Variants in BMP6 observed in about 807,000 individuals in gnomAD.
BMP6 encodes the protein bone morphogenetic protein 6.
In BMP6, 17 loss-of-function variants were observed where a neutral mutation model predicts 54.1. The ratio of observed to expected loss-of-function variants is 0.31; its 90% CI spans 0.22 to 0.47. BMP6 has a LOEUF of 0.47. Ranked by LOEUF, BMP6 falls within the 20% of genes least tolerant of loss-of-function variation. The pLI, the probability that BMP6 is intolerant of heterozygous loss-of-function variation, is 1.00. For synonymous variants in BMP6, 328 were observed against 291.2 expected, an observed-to-expected ratio of 1.13 and a Z score of -1.28; for missense variants, 720 against 690.4, an observed-to-expected ratio of 1.04 and a Z score of -0.48.
chr6:7,856,120 T>TAAAAAAAAA (rs56264814), intron 2 of BMP6, among the ~76,000 whole-genome samples: 8 of 83,664 alleles, frequency 9.6e-5, no homozygotes, highest in South Asian at 5.3e-4. Context: ...TCAAAGACTG[T>TAAAAAAAAA]AAAAAAAAAA....
intron 1 of BMP6, among the ~76,000 whole-genome samples, chr6:7,734,367 C>T (rs1276248698): frequency 6.6e-6 from 1 of 152,162 alleles, no homozygotes; most frequent in African/African-American, 2.4e-5. Flanking sequence ...TTTCTCTTTA[C>T]TGCTGTTACC....
intron 1 of BMP6, among the ~76,000 whole-genome samples, chr6:7,823,469 G>A (rs985577451): frequency 3.3e-5 from 5 of 152,194 alleles, no homozygotes; most frequent in Admixed American, 2.0e-4. Flanking sequence ...TTGCACTCAT[G>A]AAACGTGCAT....
At chr6:7,807,631 C>G (rs1279797323) in intron 1 of BMP6, among the ~76,000 whole-genome samples, 1 of 152,130 alleles carries the variant, frequency 6.6e-6, no homozygotes, top group Non-Finnish European at 1.5e-5. Context: ...CCTACCAATT[C>G]AGAAACTCCA....
intron 1 of BMP6, among the ~76,000 whole-genome samples, chr6:7,779,802 G>T (rs1310570357): frequency 6.6e-6 from 1 of 152,166 alleles, no homozygotes; most frequent in Non-Finnish European, 1.5e-5. Flanking sequence ...AGTGAAGGGG[G>T]AGAGGGGTAC....
chr6:7,814,273 A>G (rs906045051), intron 1 of BMP6, among the ~76,000 whole-genome samples: 4 of 152,196 alleles, frequency 2.6e-5, no homozygotes, highest in African/African-American at 7.2e-5. Flanking sequence ...CAGAATCCCT[A>G]TTGCCACGTA....
chr6:7,809,737 A>G (rs992212519), intron 1 of BMP6, among the ~76,000 whole-genome samples: 1 of 152,250 alleles, frequency 6.6e-6, no homozygotes, highest in African/African-American at 2.4e-5. Context: ...TCGACAGCCC[A>G]ATGGCTGAAC....
intron 1 of BMP6, among the ~76,000 whole-genome samples, chr6:7,780,650 G>A (rs1035556251): frequency 6.6e-6 from 1 of 151,852 alleles, no homozygotes; most frequent in African/African-American, 2.4e-5. Flanking sequence ...TTCTAACTTA[G>A]TAAGGGATCA....
intron 1 of BMP6, among the ~76,000 whole-genome samples, chr6:7,793,454 A>G (rs1758141687): frequency 6.6e-6 from 1 of 152,214 alleles, no homozygotes; most frequent in African/African-American, 2.4e-5. Flanking sequence ...GATGCATGTC[A>G]TTATACGGTT....
chr6:7,864,584 C>T (rs914350424), intron 4 of BMP6, among the ~76,000 whole-genome samples: 9 of 152,108 alleles, frequency 5.9e-5, no homozygotes, highest in Non-Finnish European at 1.0e-4. Context: ...ATGCAACTTC[C>T]CAAAGTACCT....
chr6:7,728,475 T>C (rs1245578619), intron 1 of BMP6, among the ~76,000 whole-genome samples: 1 of 152,190 alleles, frequency 6.6e-6, no homozygotes. Context: ...AAATGTTCTG[T>C]GGCAAACCCG....
At chr6:7,737,354 G>A (rs1480662616) in intron 1 of BMP6, among the ~76,000 whole-genome samples, 3 of 152,192 alleles carry the variant, frequency 2.0e-5, no homozygotes, top group Non-Finnish European at 4.4e-5. Flanking sequence ...GGACTAAGGT[G>A]TATGAAGGGA....
At chr6:7,843,251 T>C (rs1759005188) in intron 1 of BMP6, among the ~76,000 whole-genome samples, 1 of 151,120 alleles carries the variant, frequency 6.6e-6, no homozygotes, top group South Asian at 2.1e-4. Flanking sequence ...AAGCTTATTC[T>C]TTTTTAACCC....
chr6:7,851,557 T>G (rs1021222511), intron 2 of BMP6, among the ~76,000 whole-genome samples: 7 of 152,184 alleles, frequency 4.6e-5, no homozygotes, highest in African/African-American at 1.4e-4. Flanking sequence ...TTTTCAATTC[T>G]ATTTTTTATT....
intron 1 of BMP6, among the ~76,000 whole-genome samples, chr6:7,773,032 A>G (rs960313439): frequency 6.6e-6 from 1 of 151,802 alleles, no homozygotes; most frequent in African/African-American, 2.4e-5. Flanking sequence ...CTTGGAGGGG[A>G]CTCTTCCAAG....
At chr6:7,850,047 A>G (rs1452437846) in intron 2 of BMP6, among the ~76,000 whole-genome samples, 1 of 152,236 alleles carries the variant, frequency 6.6e-6, no homozygotes, top group African/African-American at 2.4e-5. Context: ...TTATATATTC[A>G]TCGTAACTTC....
chr6:7,726,902 G>A lies in BMP6; in HGVS notation c.-54G>A, dbSNP rs1463843000. 5 of 1,089,250 alleles carry A rather than the reference G, an allele frequency of 4.6e-6. No individual in the cohort carries two copies. The highest frequency in any genetic ancestry group is 1.7e-5 in the African/African-American group (1 of 59,490). The allele number at this position is 1,089,250 out of a possible 1,614,324, so 67.5% of individuals were successfully genotyped here. ...GCCACAGCGGCCGCGCTCCGGCCTC[G>A]CTCCGCCGCTCCACGCCTCGCGGGA... On this transcript the variant is annotated 5_prime_UTR_variant, in exon 1 of 7. Coordinates refer to ENST00000283147, the MANE Select transcript of BMP6 (RefSeq NM_001718.6).
intron 1 of BMP6, among the ~76,000 whole-genome samples, chr6:7,816,819 T>C (rs1217699731): frequency 6.6e-6 from 1 of 152,140 alleles, no homozygotes; most frequent in Non-Finnish European, 1.5e-5. Context: ...AAAAACACTA[T>C]GACATTAGGG....
intron 2 of BMP6, among the ~76,000 whole-genome samples, chr6:7,854,944 A>G (rs1404100452): frequency 6.6e-6 from 1 of 152,160 alleles, no homozygotes; most frequent in South Asian, 2.1e-4. Context: ...GTCAGTTTGT[A>G]TAAAGTTTCC....
intron 1 of BMP6, among the ~76,000 whole-genome samples, chr6:7,790,429 G>C (rs1032496151): frequency 6.8e-6 from 1 of 146,484 alleles, no homozygotes; most frequent in Non-Finnish European, 1.5e-5. Context: ...GAGGTGGGGG[G>C]ATGACCTGGG....
Sources: allele counts gnomAD v4.1 joint callset (sites outside exome capture counted in the v4.1 genomes callset), GRCh38; gene constraint gnomAD v4.1.1; transcripts MANE v1.5; gene names NCBI Gene and HGNC (gene_info 2026-07-23, HGNC 2026-07-21).